The following TEC variants were observed in gnomAD, a reference collection of about 807,000 sequenced individuals.
TEC encodes the protein tec protein tyrosine kinase.
TEC carries 72 observed loss-of-function variants against 93.0 expected under a neutral mutation model. The ratio of observed to expected loss-of-function variants is 0.77; its 90% CI spans 0.64 to 0.94. The LOEUF (loss-of-function observed/expected upper bound fraction) is 0.94. Ranked by LOEUF, TEC falls within the 40% of genes least tolerant of loss-of-function variation. The probability of loss-of-function intolerance (pLI) is 0.00; values close to 1 mark genes in which losing one functional copy is unlikely to be tolerated. For missense variants in TEC, 630 were observed against 757.9 expected (o/e 0.83, Z 1.98); for synonymous variants, 249 against 247.7 (o/e 1.01, Z -0.05).
At chr4:48,267,502 G>A (rs866042586) in intron 1 of TEC, among the ~76,000 whole-genome samples, 17 of 152,112 alleles carry the variant, frequency 1.1e-4, no homozygotes, top group African/African-American at 2.7e-4. Flanking sequence ...TAACCACATC[G>A]TACAGGATAA....
At chr4:48,258,628 T>C (rs1560427792) in intron 1 of TEC, among the ~76,000 whole-genome samples, 1 of 152,222 alleles carries the variant, frequency 6.6e-6, no homozygotes, top group Non-Finnish European at 1.5e-5. Context: ...TGTCCAGCTA[T>C]GCCTAACCTT....
chr4:48,236,046 T>C (rs1401582952), intron 1 of TEC, among the ~76,000 whole-genome samples: 1 of 152,124 alleles, frequency 6.6e-6, no homozygotes, highest in African/African-American at 2.4e-5. Flanking sequence ...TCTCCTAGTT[T>C]AGGAGACTGC....
chr4:48,166,875 C>T (rs1339084677), intron 7 of TEC, among the ~76,000 whole-genome samples: 1 of 151,446 alleles, frequency 6.6e-6, no homozygotes, highest in Admixed American at 6.6e-5. Flanking sequence ...AAAAGGACCC[C>T]GCCTAAACTA....
intron 2 of TEC, 93 bp downstream of exon 2, chr4:48,228,384 C>T: frequency 1.5e-6 from 2 of 1,356,820 alleles, no homozygotes; most frequent in Admixed American, 2.8e-5. Flanking sequence ...TTCATTAACC[C>T]AAAGCATTTT....
At chr4:48,146,500 T>C in intron 11 of TEC, 101 bp from the exon 12 acceptor site, 1 of 999,558 alleles carries the variant, frequency 1.0e-6, no homozygotes, top group Non-Finnish European at 1.6e-6. Context: ...ATTTATTCAT[T>C]TACTGCTCAT....
chr4:48,141,552 A>G (rs1346549901), intron 14 of TEC, 133 bp from the exon 15 acceptor site: 8 of 812,096 alleles, frequency 9.9e-6, no homozygotes, highest in South Asian at 1.9e-5. Flanking sequence ...CCCTTTAATA[A>G]GTTGTTTTTA....
In TEC at chr4:48,137,475, C is replaced by T. The variant is rs1027163742; in HGVS notation, c.1837G>A (p.Glu613Lys). ...TCATCTATTGTGCGCAGCAGATCTT[C>T]GAAAGAAGGCCTTCCCTCTGGTTTC... ...QEKPEGRPSF[E>K]DLLRTIDELV... is the part of the protein sequence containing the mutation. Residue 613 changes from glutamate to lysine, a missense_variant, in exon 18 of 18, where the codon GAA becomes AAA. Physicochemically the swap from Glu to Lys is moderately conservative, Grantham distance 56 (BLOSUM62 1). Around this residue, in one of 3 missense-constraint regions of TEC, gnomAD observed 289 missense variants for 390.0 expected, o/e 0.74. Transcript: ENST00000381501. 13 of 1,613,956 alleles carry T rather than the reference C, an allele frequency of 8.1e-6. No homozygotes were observed. The African/African-American group carries it at 9.3e-5, about 12-fold the overall frequency.
At chr4:48,214,289 G>A (rs1345778270) in intron 2 of TEC, among the ~76,000 whole-genome samples, 3 of 152,190 alleles carry the variant, frequency 2.0e-5, no homozygotes, top group Non-Finnish European at 4.4e-5. Context: ...GGCAAGGCAT[G>A]TATAACCAGA....
At chr4:48,216,340 G>A (rs1723080145) in intron 2 of TEC, among the ~76,000 whole-genome samples, 2 of 151,878 alleles carry the variant, frequency 1.3e-5, no homozygotes, top group African/African-American at 4.8e-5. Context: ...CTGTCTTCCA[G>A]TGTAAATGCT....
intron 2 of TEC, among the ~76,000 whole-genome samples, chr4:48,211,437 T>A (rs1426070046): frequency 1.3e-5 from 2 of 152,186 alleles, no homozygotes; most frequent in African/African-American, 4.8e-5. Context: ...TTATATCTGA[T>A]CATTAGCATC....
At chr4:48,189,477 G>A (rs1381696947) in intron 2 of TEC, among the ~76,000 whole-genome samples, 1 of 152,132 alleles carries the variant, frequency 6.6e-6, no homozygotes, top group Non-Finnish European at 1.5e-5. Context: ...CCACCCCCGA[G>A]GTTTCAATAC....
chr4:48,167,654 G>T, intron 7 of TEC, 124 bp downstream of exon 7: 1 of 843,090 alleles, frequency 1.2e-6, no homozygotes. Context: ...GTAATAAGGT[G>T]TGCTTCCATT....
At chr4:48,168,129 G>A (rs1720949053) in intron 6 of TEC, among the ~76,000 whole-genome samples, 176 bp from the exon 7 acceptor site, 2 of 151,996 alleles carry the variant, frequency 1.3e-5, no homozygotes, top group African/African-American at 4.8e-5. Context: ...TCATAACTAA[G>A]GTAACAATGA....
chr4:48,222,363 G>A (rs1388235297), intron 2 of TEC, among the ~76,000 whole-genome samples: 1 of 152,206 alleles, frequency 6.6e-6, no homozygotes, highest in Admixed American at 6.5e-5. Context: ...GCATTTTGCA[G>A]ATGAAAGATG....
chr4:48,155,977 T>C (rs1720383032), intron 9 of TEC: 1 of 152,248 alleles, frequency 6.6e-6, no homozygotes, highest in Non-Finnish European at 1.5e-5. Context: ...CTATTCTCTC[T>C]ACCTGATTTC....
chr4:48,259,442 G>A (rs1577676078), intron 1 of TEC, among the ~76,000 whole-genome samples: 2 of 152,118 alleles, frequency 1.3e-5, no homozygotes, highest in East Asian at 1.9e-4. Context: ...GGGGCTGGGC[G>A]CAGTGGCTCA....
chr4:48,165,493 C>T (rs1720840888), intron 7 of TEC, among the ~76,000 whole-genome samples: 1 of 152,036 alleles, frequency 6.6e-6, no homozygotes, highest in Admixed American at 6.6e-5. Flanking sequence ...ATTAATGAAC[C>T]CCCAAATCAT....
intron 6 of TEC, 74 bp downstream of exon 6, chr4:48,168,489 TAAACCGCATACTCAGTAAGTCAC>T: frequency 7.7e-7 from 1 of 1,296,210 alleles, no homozygotes; most frequent in Non-Finnish European, 1.1e-6. Flanking sequence ...CATCAATGAA[TAAACCGCATACTCAGTAAGTCAC>T]AAACACTACC....
chr4:48,161,584 A>G (rs1577710911), intron 8 of TEC, among the ~76,000 whole-genome samples: 1 of 139,424 alleles, frequency 7.2e-6, no homozygotes, highest in Non-Finnish European at 1.5e-5. Flanking sequence ...TATTCACTCC[A>G]CAGCTGCCAG....
Sources: gnomAD v4.1 joint callset for allele counts (sites outside exome capture counted in the v4.1 genomes callset) on GRCh38, gnomAD v4.1.1 for gene constraint, gnomAD v4.1.1 regional missense constraint, MANE v1.5 for transcripts, NCBI Gene and HGNC (gene_info 2026-07-23, HGNC 2026-07-21) for gene names.